The following EBF3 variants were observed in gnomAD, a reference collection of about 807,000 sequenced individuals.
The protein encoded by EBF3 is EBF transcription factor 3.
A neutral mutation model predicts 77.1 loss-of-function variants in EBF3; 18 were observed. That is an observed-to-expected ratio of 0.23 (90% CI 0.16 to 0.35). The LOEUF (loss-of-function observed/expected upper bound fraction) is 0.35, where lower values mean the gene tolerates loss of function less well. Among genes scored for constraint, EBF3 ranks in the 10% least tolerant of loss-of-function variants. The pLI is 1.00. For missense variants in EBF3, 558 were observed against 860.0 expected, an observed-to-expected ratio of 0.65 and a Z score of 4.39; for synonymous variants, 350 against 343.5, an observed-to-expected ratio of 1.02 and a Z score of -0.21.
intron 4 of EBF3, among the ~76,000 whole-genome samples, chr10:129,960,233 C>T: frequency 6.6e-6 from 1 of 152,350 alleles, no homozygotes; most frequent in African/African-American, 2.4e-5. Flanking sequence ...CCGCCCCCAC[C>T]CCTGAAAATT....
chr10:129,840,529 G>A, intron 14 of EBF3, 87 bp from the exon 15 acceptor site: 2 of 1,423,820 alleles, frequency 1.4e-6, no homozygotes, highest in Non-Finnish European at 1.9e-6. Flanking sequence ...TCGGACGGGG[G>A]GGCAGGGGCA....
rs567962650 is a variant in EBF3 at position 129,943,743 on chromosome 10, T to A, written c.554+13515A>T. 6.6e-6 allele frequency among the ~76,000 whole-genome samples: 1 copy of A among 152,358 alleles called. No homozygotes were observed. The highest frequency in any genetic ancestry group is 1.9e-4 in the East Asian group (1 of 5,190). On this transcript the variant is annotated intron_variant, in intron 6 of 16. Coordinates refer to ENST00000440978, the MANE Select transcript of EBF3 (RefSeq NM_001375380.1). This position sits in a 1 kb window ranked among gnomAD's most constrained non-coding sequence, Gnocchi z 8.8. ...GAATTCTTTTCACAGGCTGCATCTA[T>A]GCTAGCCAATGAAAACAACACAGAA...
chr10:129,923,153 G>A (rs759052754), intron 6 of EBF3, among the ~76,000 whole-genome samples: 3 of 152,164 alleles, frequency 2.0e-5, no homozygotes, highest in East Asian at 1.9e-4. Context: ...ATTTTGAACC[G>A]CAGCAGCAGG....
intron 11 of EBF3, among the ~76,000 whole-genome samples, chr10:129,846,108 T>TTGTGTGTG (rs10530522): frequency 0.05 from 7,015 of 139,542 alleles, 218 homozygotes; most frequent in East Asian, 0.062. Context: ...ATTCTGGGCT[T>TTGTGTGTG]TGTGTGTGTG....
Position 129,877,868 on chromosome 10 carries a change from G to C in EBF3, c.555-19C>G. 6.3e-7 allele frequency: 1 copy of C among 1,586,436 alleles called. No homozygotes were observed. The highest frequency in any genetic ancestry group is 8.6e-7 in the Non-Finnish European group (1 of 1,160,200). On this transcript the variant is annotated intron_variant, in intron 6 of 16. Coordinates refer to ENST00000440978, the MANE Select transcript of EBF3 (RefSeq NM_001375380.1). ...AAAGAATCTATAAAAAATACAAAAA[G>C]ATGATATTTATTAGGGTTATCAGAC...
rs576268779 is a variant in EBF3 at position 129,919,774 on chromosome 10, C to T, written c.554+37484G>A. ...TGAGCAGGTCTCACTATATGTAAAC[C>T]AAGAGTCTCCTTCCTGGTGGCCCCC... On this transcript the variant is annotated intron_variant, in intron 6 of 16. Coordinates refer to ENST00000440978, the MANE Select transcript of EBF3 (RefSeq NM_001375380.1). Among the ~76,000 whole-genome samples, 2 of 152,168 alleles carry T rather than the reference C, an allele frequency of 1.3e-5. 1 individual carries two copies. Among genetic ancestry groups the T allele is most frequent in the Admixed American group, 1.3e-4 (2 of 15,286 alleles).
intron 6 of EBF3, among the ~76,000 whole-genome samples, chr10:129,940,650 G>T (rs1414424723): frequency 6.6e-6 from 1 of 152,174 alleles, no homozygotes; most frequent in Non-Finnish European, 1.5e-5. Flanking sequence ...GGGCGGGTGA[G>T]GAATGATGGC....
intron 6 of EBF3, among the ~76,000 whole-genome samples, chr10:129,914,712 G>T (rs1430669118): frequency 6.6e-6 from 1 of 152,138 alleles, no homozygotes; most frequent in African/African-American, 2.4e-5. Context: ...CTCCACCTTT[G>T]CCATGGTAGA....
chr10:129,956,148 T>C (rs1281707061), intron 6 of EBF3, among the ~76,000 whole-genome samples: 2 of 152,234 alleles, frequency 1.3e-5, no homozygotes, highest in East Asian at 3.8e-4. Flanking sequence ...TTCCAGCTAG[T>C]TAAACATTAG....
chr10:129,874,341 A>G (rs1328872795), intron 7 of EBF3, among the ~76,000 whole-genome samples: 1 of 152,180 alleles, frequency 6.6e-6, no homozygotes, highest in Non-Finnish European at 1.5e-5. Flanking sequence ...ATCACAGATC[A>G]GGCCCTCTTA....
chr10:129,918,032 G>A (rs1856012909), intron 6 of EBF3, among the ~76,000 whole-genome samples: 1 of 152,212 alleles, frequency 6.6e-6, no homozygotes. Flanking sequence ...TTGTAGATGA[G>A]GAACCTGAGA....
chr10:129,878,805 C>T (rs903841584), intron 6 of EBF3, among the ~76,000 whole-genome samples: 2 of 88,804 alleles, frequency 2.3e-5, no homozygotes, highest in South Asian at 3.3e-4. Flanking sequence ...GCCTGGGCAA[C>T]ACAGTGAAAA....
chr10:129,930,134 C>G (rs758785629), intron 6 of EBF3, among the ~76,000 whole-genome samples: 1 of 152,168 alleles, frequency 6.6e-6, no homozygotes, highest in African/African-American at 2.4e-5. Context: ...CCAGCAGTCC[C>G]GTAGGTGCTC....
chr10:129,863,305 ACCG>A lies in EBF3; in HGVS notation c.1039+3833_1039+3835del, dbSNP rs1851768160. On this transcript the variant is annotated intron_variant, in intron 10 of 16. Transcript: ENST00000440978. This position sits in a 1 kb window ranked among gnomAD's most constrained non-coding sequence, Gnocchi z 4.0. ...TTAATTCACCGTGCTAATCAACTGA[ACCG>A]CCACAGCCTCCCAAGGTAATTGTGT... Among the ~76,000 whole-genome samples, 1 of 152,214 alleles carries A rather than the reference ACCG, an allele frequency of 6.6e-6. No homozygotes were observed. The highest frequency in any genetic ancestry group is 2.4e-5 in the African/African-American group (1 of 41,450).
chr10:129,869,595 CCCGCGTGCCG>C (rs1852271387), intron 8 of EBF3, among the ~76,000 whole-genome samples: 1 of 152,178 alleles, frequency 6.6e-6, no homozygotes, highest in African/African-American at 2.4e-5. Context: ...TTTCCGGAAG[CCCGCGTGCCG>C]TGGTTTCCCT....
rs772349540 is a variant in EBF3, at chr10:129,935,862, C to T, written c.554+21396G>A. Among the ~76,000 whole-genome samples the T allele has an allele frequency of 3.3e-5, 5 of 152,150 alleles. No homozygotes were observed. The South Asian group carries it at 8.3e-4, about 25-fold the overall frequency. On this transcript the variant is annotated intron_variant, in intron 6 of 16. Coordinates refer to ENST00000440978, the MANE Select transcript of EBF3 (RefSeq NM_001375380.1). This position sits in a 1 kb window ranked among gnomAD's most constrained non-coding sequence, Gnocchi z 4.2. ...GAGGCCAAGACACCAAGAGCGGCCA[C>T]GATCAGCCACAGGCAGGCATGGACA...
At chr10:129,919,659 T>C (rs1403880044) in intron 6 of EBF3, among the ~76,000 whole-genome samples, 1 of 152,164 alleles carries the variant, frequency 6.6e-6, no homozygotes, top group Non-Finnish European at 1.5e-5. Context: ...CAAGTGTTTA[T>C]TGACTGCTGC....
intron 10 of EBF3, among the ~76,000 whole-genome samples, chr10:129,865,443 GA>G (rs764903843): frequency 6.6e-5 from 10 of 152,134 alleles, no homozygotes; most frequent in Non-Finnish European, 1.3e-4. Flanking sequence ...GAGGTGTCCG[GA>G]CATCAGCTCT....
chr10:129,903,292 T>C (rs1854914530), intron 6 of EBF3, among the ~76,000 whole-genome samples: 1 of 152,254 alleles, frequency 6.6e-6, no homozygotes, highest in Non-Finnish European at 1.5e-5. Context: ...AATATTATTT[T>C]CTTTATAAGA....
Sources: allele counts gnomAD v4.1 joint callset (sites outside exome capture counted in the v4.1 genomes callset), GRCh38; gene constraint gnomAD v4.1.1; non-coding constraint Gnocchi (gnomAD v3.1); transcripts MANE v1.5; gene names NCBI Gene and HGNC (gene_info 2026-07-23, HGNC 2026-07-21).